Variants in SETBP1 observed in about 807,000 individuals in gnomAD.
SETBP1 encodes SET-binding protein.
Under a neutral mutation model 101.0 loss-of-function variants are expected in SETBP1, and 9 were observed. The ratio of observed to expected loss-of-function variants is 0.09; its 90% CI spans 0.05 to 0.16. The LOEUF is 0.16. SETBP1 is among the 10% of genes least tolerant of loss of function. The pLI, the probability that SETBP1 is intolerant of heterozygous loss-of-function variation, is 1.00. For synonymous variants in SETBP1, 818 were observed against 788.5 expected, an observed-to-expected ratio of 1.04 and a Z score of -0.63; for missense variants, 1,858 against 2,033.8, an observed-to-expected ratio of 0.91 and a Z score of 1.66.
intron 2 of SETBP1, chr18:44,732,450 A>G (rs2069857246): frequency 6.6e-6 from 1 of 152,222 alleles, no homozygotes; most frequent in South Asian, 2.1e-4. Context: ...CCCGACGGAT[A>G]TATAAGTGAA....
chr18:45,062,054 A>G (rs1005366103), intron 5 of SETBP1, among the ~76,000 whole-genome samples: 1 of 152,204 alleles, frequency 6.6e-6, no homozygotes, highest in Non-Finnish European at 1.5e-5. Flanking sequence ...GCACACAGGT[A>G]TCACACATGT....
At chr18:44,900,181 G>A (rs562639658) in intron 3 of SETBP1, among the ~76,000 whole-genome samples, 6 of 152,316 alleles carry the variant, frequency 3.9e-5, no homozygotes, top group African/African-American at 1.4e-4. Flanking sequence ...AGCATCATTA[G>A]TACCTGTTAG....
chr18:44,793,275 A>G (rs372451901), intron 2 of SETBP1, among the ~76,000 whole-genome samples: 6 of 152,220 alleles, frequency 3.9e-5, no homozygotes, highest in African/African-American at 1.4e-4. Context: ...TTTGCTGCAC[A>G]TTAAGATTAT....
chr18:44,691,991 A>G (rs753574563), intron 1 of SETBP1, among the ~76,000 whole-genome samples: 1 of 152,218 alleles, frequency 6.6e-6, no homozygotes, highest in Non-Finnish European at 1.5e-5. Flanking sequence ...TATTTCCTCC[A>G]TGAGACAAAC....
At chr18:44,826,729 A>G (rs2072248049) in intron 2 of SETBP1, among the ~76,000 whole-genome samples, 2 of 152,154 alleles carry the variant, frequency 1.3e-5, no homozygotes, top group Admixed American at 1.3e-4. Context: ...ATTCTTAAAG[A>G]ATGAATTGGG....
At chr18:45,016,057 AG>A (rs1213756656) in intron 4 of SETBP1, among the ~76,000 whole-genome samples, 1 of 152,230 alleles carries the variant, frequency 6.6e-6, no homozygotes, top group African/African-American at 2.4e-5. Context: ...CATCACTGAA[AG>A]AAAACAAACA....
intron 2 of SETBP1, among the ~76,000 whole-genome samples, chr18:44,829,702 G>A (rs2072315286): frequency 1.3e-5 from 2 of 152,166 alleles, no homozygotes; most frequent in African/African-American, 4.8e-5. Flanking sequence ...AATCAAATCA[G>A]GATGAAATTC....
At chr18:44,778,752 G>A (rs2144669714) in intron 2 of SETBP1, among the ~76,000 whole-genome samples, 1 of 152,374 alleles carries the variant, frequency 6.6e-6, no homozygotes, top group East Asian at 1.9e-4. Context: ...GGAGCCTGCG[G>A]AAGGCTTCCA....
Position 44,856,883 on chromosome 18 carries a change from C to T in SETBP1, c.487-12347C>T, listed in dbSNP as rs1008440145. On this transcript the variant is annotated intron_variant, in intron 2 of 5. Transcript: ENST00000649279. ...TATTCTTTTCCACTTTCTTGATGTTCTTCTTTCCTGGAGCCACCCTTGCTT... is the reference window on the plus strand; with the variant it reads ...TATTCTTTTCCACTTTCTTGATGTTTTTCTTTCCTGGAGCCACCCTTGCTT... Among the ~76,000 whole-genome samples the T allele has an allele frequency of 2.6e-5, 4 of 152,294 alleles. No individual in the cohort carries two copies. The Middle Eastern group carries it at 0.014, about 518-fold the overall frequency.
rs376071938 is a variant in SETBP1, at chr18:44,796,297, A to G, written c.487-72933A>G. Among the ~76,000 whole-genome samples the G allele has an allele frequency of 8.7e-4, 132 of 152,326 alleles. 2 individuals carry two copies. The South Asian group carries it at 0.026, about 30-fold the overall frequency. On this transcript the variant is annotated intron_variant, in intron 2 of 5. Coordinates refer to ENST00000649279, the MANE Select transcript of SETBP1 (RefSeq NM_015559.3). ...TCACAGAGGAAATGGGAAAAGAATT[A>G]TATATATGACTGAATTAAGTAAAGT... is the stretch of plus-strand genomic sequence containing the variant.
At chr18:44,899,260 A>C (rs980391489) in intron 3 of SETBP1, among the ~76,000 whole-genome samples, 1 of 152,208 alleles carries the variant, frequency 6.6e-6, no homozygotes, top group Non-Finnish European at 1.5e-5. Flanking sequence ...TATTCTCTAG[A>C]ACAAAGGAAG....
At chr18:45,029,699 G>A (rs1351731659) in intron 4 of SETBP1, among the ~76,000 whole-genome samples, 2 of 152,164 alleles carry the variant, frequency 1.3e-5, no homozygotes, top group African/African-American at 2.4e-5. Flanking sequence ...GCAGTGGTTT[G>A]TAGTTCTCCT....
intron 2 of SETBP1, among the ~76,000 whole-genome samples, chr18:44,791,644 C>T (rs1324313195): frequency 1.3e-5 from 2 of 152,052 alleles, no homozygotes; most frequent in Middle Eastern, 3.2e-3. Context: ...CATGCAATTT[C>T]CTGCTCAGTT....
chr18:44,859,738 A>G (rs1233239045), intron 2 of SETBP1, among the ~76,000 whole-genome samples: 3 of 152,212 alleles, frequency 2.0e-5, no homozygotes, highest in Non-Finnish European at 4.4e-5. Flanking sequence ...GACTTTTCAT[A>G]TTATAATAGC....
intron 4 of SETBP1, among the ~76,000 whole-genome samples, chr18:44,961,503 G>T (rs1431732868): frequency 6.6e-6 from 1 of 152,170 alleles, no homozygotes; most frequent in Non-Finnish European, 1.5e-5. Context: ...TTCTAGCAGT[G>T]CCCCAGCTTC....
At chr18:44,962,469 G>T (rs1274521607) in intron 4 of SETBP1, among the ~76,000 whole-genome samples, 2 of 152,126 alleles carry the variant, frequency 1.3e-5, no homozygotes, top group African/African-American at 4.8e-5. Context: ...GGTGCTAGGT[G>T]CTGAGTGGAA....
intron 2 of SETBP1, 105 bp from the exon 3 acceptor site, chr18:44,869,125 A>T: frequency 9.9e-7 from 1 of 1,006,554 alleles, no homozygotes; most frequent in Non-Finnish European, 1.6e-6. Flanking sequence ...CCACTTCTGT[A>T]GCTCTCATCC....
intron 3 of SETBP1, among the ~76,000 whole-genome samples, chr18:44,917,333 G>T (rs1237591387): frequency 6.6e-6 from 1 of 152,176 alleles, no homozygotes; most frequent in East Asian, 1.9e-4. Flanking sequence ...CCCACTCTAG[G>T]GTCACTGCCT....
At chr18:44,837,076 G>T (rs962582643) in intron 2 of SETBP1, among the ~76,000 whole-genome samples, 1 of 152,172 alleles carries the variant, frequency 6.6e-6, no homozygotes, top group Admixed American at 6.5e-5. Flanking sequence ...CTGCTCCATG[G>T]GCTAAGGACT....
Sources: gnomAD v4.1 joint callset for allele counts (sites outside exome capture counted in the v4.1 genomes callset) on GRCh38, gnomAD v4.1.1 for gene constraint, MANE v1.5 for transcripts, NCBI Gene and HGNC (gene_info 2026-07-23, HGNC 2026-07-21) for gene names.